Variants in ALOXE3 observed in about 807,000 individuals in gnomAD.
The protein encoded by ALOXE3 is hydroperoxide isomerase ALOXE3.
A neutral mutation model predicts 87.5 loss-of-function variants in ALOXE3; 78 were observed. That is an observed-to-expected ratio of 0.89 (90% CI 0.74 to 1.08). The LOEUF is 1.08. Among genes scored for constraint, ALOXE3 ranks in the 50% least tolerant of loss-of-function variants. The pLI is 0.00. For missense variants in ALOXE3, 946 were observed against 912.4 expected, an observed-to-expected ratio of 1.04 and a Z score of -0.47; for synonymous variants, 363 against 370.8, an observed-to-expected ratio of 0.98 and a Z score of 0.24.
intron 8 of ALOXE3, among the ~76,000 whole-genome samples, 154 bp from the exon 9 acceptor site, chr17:8,110,682 C>T (rs1479959448): frequency 6.6e-6 from 1 of 152,170 alleles, no homozygotes; most frequent in Non-Finnish European, 1.5e-5. Flanking sequence ...AAGTGGGGTA[C>T]CCCGCCCTTC....
At chr17:8,106,148 A>T (rs1178720153) in intron 13 of ALOXE3, among the ~76,000 whole-genome samples, 2 of 152,036 alleles carry the variant, frequency 1.3e-5, no homozygotes, top group Non-Finnish European at 2.9e-5. Flanking sequence ...ACAATTCCAG[A>T]GCACTATGAG....
upstream of ALOXE3, chr17:8,118,756 G>C: frequency 6.5e-7 from 1 of 1,537,310 alleles, no homozygotes; most frequent in East Asian, 2.4e-5. Context: ...CGGCAAACAG[G>C]GTCTGAATGC....
chr17:8,111,679 G>C, intron 7 of ALOXE3, 148 bp from the exon 8 acceptor site: 1 of 788,836 alleles, frequency 1.3e-6, no homozygotes, highest in Admixed American at 2.1e-5. Flanking sequence ...TTTAATACTA[G>C]ACACTAAGGG....
intron 6 of ALOXE3, 85 bp downstream of exon 6, chr17:8,114,399 A>G: frequency 6.3e-7 from 1 of 1,581,942 alleles, no homozygotes; most frequent in Non-Finnish European, 8.7e-7. Context: ...TACTGGGAAT[A>G]GGGAGAAGGG....
rs117825702 is a variant in ALOXE3 at position 8,098,537 on chromosome 17, G to A, written c.1957-1731C>T. Among the ~76,000 whole-genome samples the A allele has an allele frequency of 0.013, 1,991 of 152,194 alleles. 82 individuals carry two copies. The East Asian group carries it at 0.16, about 12-fold the overall frequency. Reference sequence around the variant, plus strand: ...TTACAGGCGTGAGCCACTACACCCAGCCTGAAATATACTTCTAATCAAAAC... The same window carrying A: ...TTACAGGCGTGAGCCACTACACCCAACCTGAAATATACTTCTAATCAAAAC... On this transcript the variant is annotated intron_variant, in intron 15 of 15. Transcript: ENST00000448843.
chr17:8,108,984 C>G (rs933082284), intron 12 of ALOXE3, among the ~76,000 whole-genome samples, 190 bp downstream of exon 12: 6 of 152,216 alleles, frequency 3.9e-5, no homozygotes, highest in Admixed American at 2.0e-4. Flanking sequence ...CACACACCCC[C>G]AAGCCCCTCT....
chr17:8,117,594 C>G (rs1179646763), intron 2 of ALOXE3, among the ~76,000 whole-genome samples: 1 of 152,134 alleles, frequency 6.6e-6, no homozygotes, highest in Non-Finnish European at 1.5e-5. Context: ...AGCCCACGGT[C>G]AATTATGGGA....
In ALOXE3 at chr17:8,096,794, T is replaced by A. The variant is rs759576785; in HGVS notation, c.1969A>T (p.Thr657Ser). 1.2e-6 allele frequency: 2 copies of A among 1,614,128 alleles called. No individual in the cohort carries two copies. Among genetic ancestry groups the A allele is most frequent in the African/African-American group, 2.7e-5 (2 of 75,026 alleles). Reference sequence around the variant, plus strand: ...TCTGTGAAGTGCTCATCTGGGTAGGTGCCCAGGGGCCTCTGGGAGGACATC... The same window carrying A: ...TCTGTGAAGTGCTCATCTGGGTAGGAGCCCAGGGGCCTCTGGGAGGACATC... Reference protein sequence around the residue: ...QEPKDQRPLGTYPDEHFTEEA... With the variant: ...QEPKDQRPLGSYPDEHFTEEA... Residue 657 changes from threonine to serine, a missense_variant, in exon 16 of 16, where the codon ACC (threonine) becomes TCC (serine). Physicochemically the swap from Thr to Ser is moderately conservative, Grantham distance 58. Coordinates refer to ENST00000448843, the MANE Select transcript of ALOXE3 (RefSeq NM_021628.3).
At chr17:8,098,197 T>TAA (rs1236351486) in intron 15 of ALOXE3, among the ~76,000 whole-genome samples, 2 of 150,956 alleles carry the variant, frequency 1.3e-5, no homozygotes, top group Non-Finnish European at 3.0e-5. Flanking sequence ...GGTCTCACCA[T>TAA]AAATACAGTG....
In ALOXE3 at chr17:8,110,120, T is replaced by G; in HGVS notation, c.1277A>C (p.Gln426Pro). The G allele has an allele frequency of 6.2e-7, 1 of 1,613,292 alleles. No individual in the cohort carries two copies. The highest frequency in any genetic ancestry group is 8.5e-7 in the Non-Finnish European group (1 of 1,179,712). ...CEAFAMATLR[Q>P]LPLCHPIYKL... is the part of the protein sequence containing the mutation. ...GTAGATGGGGTGGCAGAGCGGCAGC[T>G]GGCGCAGCGTGGCCATGGCGAAGGC... Residue 426 changes from glutamine (Q) to proline (P), a missense_variant, in exon 10 of 16, where the codon CAG becomes CCG. Physicochemically the swap from Gln to Pro is moderately conservative, Grantham distance 76 (BLOSUM62 -1). Transcript: ENST00000448843.
rs202028158 is a variant in ALOXE3, at chr17:8,114,522, G to A, written c.642C>T (p.Ala214=). 237 of 1,614,070 alleles carry A rather than the reference G, an allele frequency of 1.5e-4. No individual in the cohort carries two copies. In the East Asian group the frequency reaches 3.8e-3, roughly 26 times the overall value. The change falls in exon 6 of 16, where the codon GCC becomes GCT. Residue 214 remains alanine, a synonymous_variant. Coordinates refer to ENST00000448843, the MANE Select transcript of ALOXE3 (RefSeq NM_021628.3). ...MYMEPNVRYS[A]TKTISLLFNA... The stretch of plus-strand genomic sequence containing the variant: ...TGAAGAGCAGCGAGATCGTCTTGGT[G>A]GCTGAGTATCGAACATTGGGCTCCA...
At chr17:8,117,351 T>A (rs1185643934) in intron 2 of ALOXE3, among the ~76,000 whole-genome samples, 1 of 151,762 alleles carries the variant, frequency 6.6e-6, no homozygotes, top group African/African-American at 2.4e-5. Flanking sequence ...ACCCGGGAGG[T>A]GGAGGTTGCA....
Position 8,109,990 on chromosome 17 carries a change from G to T in ALOXE3, c.1318C>A (p.His440Asn), listed in dbSNP as rs1170239970. ...CHPIYKLLLP[H>N]TRYTLQVNTI... ...TTCACCTGCAGCGTGTATCGAGTGT[G>T]GGGGAGTAGGAGCTGCGAGCGGAGC... is the stretch of plus-strand genomic sequence containing the variant. Residue 440 changes from histidine (H) to asparagine (N), a missense_variant, in exon 11 of 16, where the codon CAC (histidine) becomes AAC (asparagine). Physicochemically the swap from His to Asn is moderately conservative, Grantham distance 68. Coordinates refer to ENST00000448843, the MANE Select transcript of ALOXE3 (RefSeq NM_021628.3). 23 of 1,553,708 alleles carry T rather than the reference G, an allele frequency of 1.5e-5. No homozygotes were observed. In the Admixed American group the frequency reaches 4.5e-4, roughly 30 times the overall value.
chr17:8,104,339 C>G, intron 13 of ALOXE3, 124 bp from the exon 14 acceptor site: 1 of 726,578 alleles, frequency 1.4e-6, no homozygotes, highest in Non-Finnish European at 2.4e-6. Context: ...CCATGACTGT[C>G]TTGTCGGGCT....
chr17:8,115,636 C>T lies in ALOXE3; in HGVS notation c.405G>A (p.Arg135=). 3 of 1,614,146 alleles carry T rather than the reference C, an allele frequency of 1.9e-6. No individual in the cohort carries two copies. Among genetic ancestry groups the T allele is most frequent in the Non-Finnish European group, 2.5e-6 (3 of 1,179,974 alleles). Reference sequence around the variant, plus strand: ...AGCATTCTTGTCGGGCCCGGAGCTCCCGTGTCCTGTGATCCAGGAGGAGGG... The same window carrying T: ...AGCATTCTTGTCGGGCCCGGAGCTCTCGTGTCCTGTGATCCAGGAGGAGGG... The part of the protein sequence containing the change: ...SLPLLLDHRT[R]ELRARQECYR... The change falls in exon 4 of 16, where the codon CGG becomes CGA. Residue 135 remains arginine, a synonymous_variant. Transcript: ENST00000448843.
chr17:8,108,906 C>G (rs1217663475), intron 12 of ALOXE3, among the ~76,000 whole-genome samples: 1 of 152,148 alleles, frequency 6.6e-6, no homozygotes, highest in African/African-American at 2.4e-5. Context: ...AGGCCCCAGC[C>G]CATGCTTAAA....
intron 9 of ALOXE3, 42 bp downstream of exon 9, chr17:8,110,343 A>G (rs777287994): frequency 1.3e-5 from 21 of 1,609,388 alleles, no homozygotes; most frequent in Non-Finnish European, 1.7e-5. Flanking sequence ...GCTGGCGGTT[A>G]GCACCTGAGC....
chr17:8,096,640 C>T lies in ALOXE3; in HGVS notation c.2123G>A (p.Ser708Asn), dbSNP rs751383101. ...TYLDPPLIEN[S>N]VSI is the part of the protein sequence containing the mutation. ...ATTTGGGGGTGGTTAGATGGAGACG[C>T]TGTTCTCAATGAGGGGAGGGTCCAG... The change falls in exon 16 of 16, where the codon AGC becomes AAC. Residue 708 changes from serine to asparagine, a missense_variant. By Grantham distance (46) the Ser-to-Asn change is conservative. Transcript: ENST00000448843. The T allele has an allele frequency of 7.1e-7, 1 of 1,405,676 alleles. No individual in the cohort carries two copies. The highest frequency in any genetic ancestry group is 1.2e-5 in the South Asian group (1 of 86,874). 87.1% of individuals were successfully genotyped at this position (1,405,676 alleles called of 1,614,324 possible). A position where few individuals can be genotyped will look rare whatever the true frequency, so the allele number is the denominator to read the frequency against.
intron 6 of ALOXE3, 93 bp downstream of exon 6, chr17:8,114,391 C>A (rs1980389204): frequency 2.7e-5 from 43 of 1,566,356 alleles, no homozygotes; most frequent in Non-Finnish European, 3.8e-5. Context: ...AGAGGGGATA[C>A]TGGGAATAGG....
Sources: allele counts gnomAD v4.1 joint callset (sites outside exome capture counted in the v4.1 genomes callset), GRCh38; gene constraint gnomAD v4.1.1; transcripts MANE v1.5; gene names NCBI Gene and HGNC (gene_info 2026-07-23, HGNC 2026-07-21).